The following EXTL3 variants were observed in gnomAD, a reference collection of about 807,000 sequenced individuals.
EXTL3 encodes exostosin like glycosyltransferase 3.
EXTL3 carries 27 observed loss-of-function variants against 69.3 expected under a neutral mutation model. That is an observed-to-expected ratio of 0.39 (90% confidence interval 0.29 to 0.54). The LOEUF (loss-of-function observed/expected upper bound fraction) is 0.54. Ranked by LOEUF, EXTL3 falls within the 20% of genes least tolerant of loss-of-function variation. The pLI is 0.69. For missense variants in EXTL3, 1,003 were observed against 1,231.8 expected (o/e 0.81, Z 2.78); for synonymous variants, 511 against 499.4 (o/e 1.02, Z -0.31).
intron 1 of EXTL3, among the ~76,000 whole-genome samples, chr8:28,686,342 A>G (rs1807577239): frequency 1.3e-5 from 2 of 151,824 alleles, no homozygotes; most frequent in South Asian, 4.1e-4. Flanking sequence ...TCAAAAAAAA[A>G]AAAAAGAAAA....
chr8:28,670,208 C>CAAAA (rs369464596), intron 1 of EXTL3, among the ~76,000 whole-genome samples: 1 of 80,412 alleles, frequency 1.2e-5, no homozygotes, highest in Admixed American at 1.8e-4. Flanking sequence ...GACTCTGTCT[C>CAAAA]AAAAAAAAAA....
At chr8:28,667,615 A>G (rs1807216960) in intron 1 of EXTL3, among the ~76,000 whole-genome samples, 1 of 150,480 alleles carries the variant, frequency 6.6e-6, no homozygotes, top group African/African-American at 2.4e-5. Flanking sequence ...GTTTAAGCCC[A>G]GGCTTTGGAA....
At position 28,717,349 on chromosome 8, in the gene EXTL3, C is replaced by T. The variant is rs199880183; in HGVS notation, c.1290C>T (p.Phe430=). Residue 430 remains phenylalanine, a synonymous_variant, in exon 3 of 7, where the codon TTC becomes TTT. Transcript: ENST00000220562. This position sits in a 1 kb window ranked among gnomAD's most constrained non-coding sequence, Gnocchi z 8.3. The stretch of plus-strand genomic sequence containing the variant: ...TGGAATTGCTGAAGCTCTCCACCTT[C>T]GCCCTCATCATTACCCCCGGGGACC... The part of the protein sequence containing the change: ...DRLELLKLST[F]ALIITPGDPR... The T allele has an allele frequency of 4.8e-5, 77 of 1,614,184 alleles. No homozygotes were observed. The highest frequency in any genetic ancestry group is 3.3e-4 in the Middle Eastern group (2 of 6,062).
Position 28,623,312 on chromosome 8 carries a change from C to T in EXTL3, c.-53+502C>T, listed in dbSNP as rs1379796278. 2.0e-5 allele frequency among the ~76,000 whole-genome samples: 3 copies of T among 152,210 alleles called. No individual in the cohort carries two copies. Among genetic ancestry groups the T allele is most frequent in the East Asian group, 3.9e-4 (2 of 5,192 alleles). On this transcript the variant is annotated intron_variant, in intron 1 of 6. Coordinates refer to the EXTL3 transcript ENST00000523149. This position sits in a 1 kb window ranked among gnomAD's most constrained non-coding sequence, Gnocchi z 4.2. Reference sequence around the variant, plus strand: ...GCCCTCCAGTCCCTGCAGCCCCAAACACACCTACCCCAGAGGACACCACAG... The same window carrying T: ...GCCCTCCAGTCCCTGCAGCCCCAAATACACCTACCCCAGAGGACACCACAG...
At chr8:28,743,282 A>G (rs1162640517) in intron 6 of EXTL3, 68 bp downstream of exon 6, 2 of 1,553,290 alleles carry the variant, frequency 1.3e-6, no homozygotes, top group Admixed American at 1.7e-5. Flanking sequence ...GCAGTAGTGC[A>G]GCACGTAACT....
rs1452026946 is a variant in EXTL3, at chr8:28,716,218, T to A, written c.159T>A (p.Thr53=). Residue 53 remains threonine (T), a synonymous_variant, in exon 3 of 7, where the codon ACT becomes ACA. Transcript: ENST00000220562. This position sits in a 1 kb window ranked among gnomAD's most constrained non-coding sequence, Gnocchi z 7.1. ...TCATCGCCCACTATTACCTCACCAC[T>A]CTGGATGAGGCTGATGAGGCAGGCA... ...FPLIAHYYLT[T]LDEADEAGKR... 6.2e-7 allele frequency: 1 copy of A among 1,614,130 alleles called. No homozygotes were observed. The highest frequency in any genetic ancestry group is 8.5e-7 in the Non-Finnish European group (1 of 1,180,026).
At chr8:28,661,654 T>G (rs897594251) in intron 1 of EXTL3, among the ~76,000 whole-genome samples, 6 of 151,338 alleles carry the variant, frequency 4.0e-5, no homozygotes, top group African/African-American at 1.5e-4. Flanking sequence ...CCGAGGTGGG[T>G]GGATCATTTG....
chr8:28,625,879 G>C (rs1267991651), intron 1 of EXTL3, among the ~76,000 whole-genome samples: 3 of 151,664 alleles, frequency 2.0e-5, no homozygotes, highest in Non-Finnish European at 4.4e-5. Flanking sequence ...TGGAGGTAAA[G>C]GCCAGGCACG....
intron 4 of EXTL3, among the ~76,000 whole-genome samples, chr8:28,732,542 C>T (rs1801559573): frequency 6.6e-6 from 1 of 152,102 alleles, no homozygotes; most frequent in Non-Finnish European, 1.5e-5. Flanking sequence ...TATTAACAGC[C>T]ACTCCCAATT....
intron 1 of EXTL3, among the ~76,000 whole-genome samples, chr8:28,692,240 A>G (rs1800625715): frequency 6.6e-6 from 1 of 152,186 alleles, no homozygotes; most frequent in African/African-American, 2.4e-5. Context: ...TTTGCCCTCC[A>G]AATTGATGGA....
intron 2 of EXTL3, among the ~76,000 whole-genome samples, chr8:28,714,241 T>C (rs1801094738): frequency 6.6e-6 from 1 of 152,164 alleles, no homozygotes; most frequent in Non-Finnish European, 1.5e-5. Flanking sequence ...GTTATTATAA[T>C]TTATTGACAG....
chr8:28,644,360 C>T (rs1452497031), intron 1 of EXTL3, among the ~76,000 whole-genome samples: 4 of 152,062 alleles, frequency 2.6e-5, no homozygotes, highest in African/African-American at 9.7e-5. Context: ...TGGGTGTATG[C>T]TTGGACATAG....
chr8:28,668,866 T>TCTTATTTTTTTTTA (rs1491392810), intron 1 of EXTL3, among the ~76,000 whole-genome samples: 1 of 23,238 alleles, frequency 4.3e-5, no homozygotes, highest in African/African-American at 4.6e-4. Context: ...ATAGAATCTC[T>TCTTATTTTTTTTTA]TTTTTTTTTT....
chr8:28,661,380 A>G (rs1807112924), intron 1 of EXTL3, among the ~76,000 whole-genome samples: 1 of 152,042 alleles, frequency 6.6e-6, no homozygotes, highest in South Asian at 2.1e-4. Context: ...TACACACAAT[A>G]TATGTATTAT....
chr8:28,699,875 A>C (rs142519531), upstream of EXTL3: 5 of 152,334 alleles, frequency 3.3e-5, no homozygotes, highest in African/African-American at 1.2e-4. Flanking sequence ...ACTCCAACGT[A>C]AAAGACTGAG....
At chr8:28,693,637 T>C (rs776697802) in intron 1 of EXTL3, among the ~76,000 whole-genome samples, 1 of 152,250 alleles carries the variant, frequency 6.6e-6, no homozygotes. Flanking sequence ...CCACAAATTA[T>C]CTGTGAGCCA....
intron 1 of EXTL3, among the ~76,000 whole-genome samples, chr8:28,707,691 T>C (rs1387966791): frequency 6.6e-6 from 1 of 152,062 alleles, no homozygotes; most frequent in Non-Finnish European, 1.5e-5. Context: ...GCAGGAGTTT[T>C]CCCCCACACC....
At chr8:28,679,441 T>C (rs1807443749) in intron 1 of EXTL3, among the ~76,000 whole-genome samples, 1 of 151,752 alleles carries the variant, frequency 6.6e-6, no homozygotes, top group African/African-American at 2.4e-5. Flanking sequence ...CAAGATGCTG[T>C]CTCAAAAAAA....
intron 1 of EXTL3, among the ~76,000 whole-genome samples, chr8:28,659,548 A>C (rs1807074042): frequency 6.6e-6 from 1 of 152,136 alleles, no homozygotes; most frequent in Admixed American, 6.5e-5. Flanking sequence ...TCCTGAGAGG[A>C]GAGCCCTTGA....
Sources: allele counts gnomAD v4.1 joint callset (sites outside exome capture counted in the v4.1 genomes callset), GRCh38; gene constraint gnomAD v4.1.1; non-coding constraint Gnocchi (gnomAD v3.1); transcripts MANE v1.5; gene names NCBI Gene and HGNC (gene_info 2026-07-23, HGNC 2026-07-21).